Variants in GPHN observed in about 807,000 individuals in gnomAD.
GPHN encodes gephyrin.
A neutral mutation model predicts 95.5 loss-of-function variants in GPHN; 17 were observed. The ratio of observed to expected loss-of-function variants is 0.18; its 90% CI spans 0.12 to 0.27. The LOEUF (loss-of-function observed/expected upper bound fraction) is 0.27, where lower values mean the gene tolerates loss of function less well. GPHN is among the 10% of genes least tolerant of loss of function. The pLI is 1.00. For missense variants in GPHN, 660 were observed against 978.1 expected, an observed-to-expected ratio of 0.67 and a Z score of 4.34; for synonymous variants, 320 against 322.5, an observed-to-expected ratio of 0.99 and a Z score of 0.08.
chr14:67,497,498 G>A, the GPHN span, among the ~76,000 whole-genome samples: 1 of 152,192 alleles, frequency 6.6e-6, no homozygotes, highest in Admixed American at 6.5e-5. Flanking sequence ...GTGGACACCT[G>A]GAATGCAATT....
At chr14:66,628,776 T>A (rs1251432762) in intron 1 of GPHN, among the ~76,000 whole-genome samples, 2 of 152,036 alleles carry the variant, frequency 1.3e-5, no homozygotes, top group African/African-American at 4.8e-5. Context: ...AATGTTTTAT[T>A]TCTGGCAGGC....
intron 1 of GPHN, among the ~76,000 whole-genome samples, chr14:66,680,418 C>T (rs2066871044): frequency 6.6e-6 from 1 of 152,164 alleles, no homozygotes; most frequent in Non-Finnish European, 1.5e-5. Flanking sequence ...ATTATTTGCC[C>T]CATGGCCTGT....
At chr14:67,215,156 G>A in the GPHN span, among the ~76,000 whole-genome samples, 1 of 152,110 alleles carries the variant, frequency 6.6e-6, no homozygotes, top group Non-Finnish European at 1.5e-5. Context: ...TATCAAGCAA[G>A]GATTCCCCTC....
At chr14:67,641,291 A>G in the GPHN span, among the ~76,000 whole-genome samples, 2 of 152,214 alleles carry the variant, frequency 1.3e-5, no homozygotes, top group African/African-American at 2.4e-5. Flanking sequence ...CTCAATATAT[A>G]TATAATGCAA....
At chr14:67,387,855 TG>T in the GPHN span, among the ~76,000 whole-genome samples, 3 of 152,172 alleles carry the variant, frequency 2.0e-5, no homozygotes, top group Non-Finnish European at 4.4e-5. Context: ...AGACACAAGA[TG>T]GGAATAATAT....
chr14:66,646,827 A>G (rs2064774075), intron 1 of GPHN, among the ~76,000 whole-genome samples: 2 of 152,136 alleles, frequency 1.3e-5, no homozygotes, highest in Non-Finnish European at 2.9e-5. Context: ...AACAGTACCA[A>G]ACTGTATTCT....
the GPHN span, among the ~76,000 whole-genome samples, chr14:67,231,705 C>A: frequency 1.3e-5 from 2 of 152,126 alleles, no homozygotes; most frequent in African/African-American, 4.8e-5. Context: ...CAGTGGCTCA[C>A]GCCTGTAATC....
At chr14:67,180,671 T>C in intron 22 of GPHN, 133 bp from the exon 23 acceptor site, 1 of 797,142 alleles carries the variant, frequency 1.3e-6, no homozygotes, top group Non-Finnish European at 2.1e-6. Flanking sequence ...AAAAAGGTAC[T>C]GGAAAGTTTG....
chr14:67,306,112 A>G, the GPHN span, among the ~76,000 whole-genome samples: 4 of 152,106 alleles, frequency 2.6e-5, no homozygotes, highest in Non-Finnish European at 4.4e-5. Context: ...TGAGACTACA[A>G]GTGCATGCCA....
chr14:67,312,975 C>T, the GPHN span, among the ~76,000 whole-genome samples: 1 of 151,948 alleles, frequency 6.6e-6, no homozygotes, highest in African/African-American at 2.4e-5. Context: ...TTAAGATGAC[C>T]GTATTATCGA....
In GPHN at chr14:66,530,547, C is replaced by T. The variant is rs187562280; in HGVS notation, c.64+21956C>T. ...GCAGCTAGCTCGCTGTCTGTCCAAA[C>T]GACCACTCAGTTTTCTGTTGAAACC... On this transcript the variant is annotated intron_variant, in intron 1 of 22. Coordinates refer to ENST00000478722, the MANE Select transcript of GPHN (RefSeq NM_020806.5). Among the ~76,000 whole-genome samples the T allele has an allele frequency of 3.4e-4, 51 of 152,230 alleles. 1 individual carries two copies. Among genetic ancestry groups the T allele is most frequent in the Non-Finnish European group, 4.4e-4 (30 of 67,986 alleles).
At chr14:67,626,384 T>A in the GPHN span, among the ~76,000 whole-genome samples, 5 of 152,250 alleles carry the variant, frequency 3.3e-5, no homozygotes, top group East Asian at 9.6e-4. Flanking sequence ...CATACACTAC[T>A]GGTGTGAATG....
rs1333515857 is a variant in GPHN, at chr14:66,545,146, T to G, written c.64+36555T>G. Among the ~76,000 whole-genome samples the G allele has an allele frequency of 2.4e-4, 36 of 151,182 alleles. No homozygotes were observed. In the South Asian group the frequency reaches 4.8e-3, roughly 20 times the overall value. On this transcript the variant is annotated intron_variant, in intron 1 of 22. Transcript: ENST00000478722. ...GGCAGAGGGGCTCCTCACTTCCCAGTAGGGGCGGCCGGGCAGAGGCGCCCC... is the reference window on the plus strand; with the variant it reads ...GGCAGAGGGGCTCCTCACTTCCCAGGAGGGGCGGCCGGGCAGAGGCGCCCC...
chr14:67,581,087 G>T, the GPHN span: 1 of 1,179,196 alleles, frequency 8.5e-7, no homozygotes, highest in Non-Finnish European at 1.3e-6. Flanking sequence ...GCTGCCACTG[G>T]GTGCCAGCTC....
the GPHN span, chr14:67,580,914 ACTTT>A: frequency 6.6e-7 from 1 of 1,512,892 alleles, no homozygotes. Flanking sequence ...AAATTTTCTG[ACTTT>A]CTTCTTTTGC....
the GPHN span, among the ~76,000 whole-genome samples, chr14:67,604,406 G>T: frequency 1.3e-5 from 2 of 152,096 alleles, no homozygotes; most frequent in Non-Finnish European, 2.9e-5. Context: ...AGGAAGCTTT[G>T]CCTGTCTTGC....
At chr14:67,075,299 A>T (rs1302557493) in intron 11 of GPHN, among the ~76,000 whole-genome samples, 1 of 152,168 alleles carries the variant, frequency 6.6e-6, no homozygotes, top group Non-Finnish European at 1.5e-5. Flanking sequence ...GATTATGTTA[A>T]GTCTTTTCTT....
chr14:66,941,595 G>A (rs887872498), intron 8 of GPHN, among the ~76,000 whole-genome samples: 82 of 152,148 alleles, frequency 5.4e-4, no homozygotes, highest in African/African-American at 1.8e-3. Flanking sequence ...AAGGGTATGA[G>A]GCCAGTTTTC....
At chr14:67,121,406 C>A (rs1379143943) in intron 16 of GPHN, among the ~76,000 whole-genome samples, 1 of 152,080 alleles carries the variant, frequency 6.6e-6, no homozygotes, top group African/African-American at 2.4e-5. Context: ...GAAAGAGAAT[C>A]ACATTTATTG....
Sources: allele counts gnomAD v4.1 joint callset (sites outside exome capture counted in the v4.1 genomes callset), GRCh38; gene constraint gnomAD v4.1.1; transcripts MANE v1.5; gene names NCBI Gene and HGNC (gene_info 2026-07-23, HGNC 2026-07-21).